The following CHST9 variants were observed in gnomAD, a reference collection of about 807,000 sequenced individuals.
CHST9 encodes GalNAc-4-sulfotransferase 2.
A neutral mutation model predicts 44.4 loss-of-function variants in CHST9; 41 were observed. The observed-to-expected ratio is 0.92, with a 90% CI of 0.72 to 1.20. The LOEUF (loss-of-function observed/expected upper bound fraction) is 1.20. CHST9 is among the 50% of genes most tolerant of loss of function. The pLI, the probability that CHST9 is intolerant of heterozygous loss-of-function variation, is 0.00. For missense variants in CHST9, 504 were observed against 516.5 expected (o/e 0.98, Z 0.23); for synonymous variants, 171 against 178.4 (o/e 0.96, Z 0.33).
At chr18:27,069,836 T>C (rs2057820403) in intron 2 of CHST9, among the ~76,000 whole-genome samples, 1 of 152,180 alleles carries the variant, frequency 6.6e-6, no homozygotes, top group Non-Finnish European at 1.5e-5. Context: ...AGCAAAAGGA[T>C]ACTGTTCTAA....
chr18:27,023,963 C>CA (rs1223803491), intron 4 of CHST9, among the ~76,000 whole-genome samples, 153 bp downstream of exon 4: 3 of 152,086 alleles, frequency 2.0e-5, no homozygotes, highest in Non-Finnish European at 2.9e-5. Context: ...TTACGCACTC[C>CA]AAAAATGCCA....
chr18:27,060,738 G>T (rs1046253124), intron 2 of CHST9, among the ~76,000 whole-genome samples: 1 of 151,996 alleles, frequency 6.6e-6, no homozygotes, highest in Non-Finnish European at 1.5e-5. Flanking sequence ...ACTAATCATC[G>T]TGGTCCCCAT....
chr18:27,012,192 G>T (rs563395071), intron 4 of CHST9, among the ~76,000 whole-genome samples: 5 of 152,134 alleles, frequency 3.3e-5, no homozygotes, highest in Non-Finnish European at 5.9e-5. Flanking sequence ...CAGGGTTTAG[G>T]GGGGAGCCAA....
rs572040369 is a variant in CHST9 at position 26,925,153 on chromosome 18, GA to G, written c.241-7804del. ...AAGGACAAAAAAAAATTTGGCACAG[GA>G]AAACATGAAAGAGGAATCCTGGCTC... On this transcript the variant is annotated intron_variant, in intron 5 of 5. Transcript: ENST00000618847. Among the ~76,000 whole-genome samples, 41 of 152,260 alleles carry G rather than the reference GA, an allele frequency of 2.7e-4. No homozygotes were observed. The East Asian group carries it at 3.5e-3, about 13-fold the overall frequency.
chr18:26,975,327 C>T (rs1171029185), intron 4 of CHST9, among the ~76,000 whole-genome samples: 1 of 151,984 alleles, frequency 6.6e-6, no homozygotes, highest in African/African-American at 2.4e-5. Context: ...TTGTTACATG[C>T]AGAAATTGTG....
rs551975385 is a variant in CHST9 at position 26,916,940 on chromosome 18, A to G, written c.651T>C (p.Cys217=). The G allele has an allele frequency of 6.2e-7, 1 of 1,613,820 alleles. No individual in the cohort carries two copies. The highest frequency in any genetic ancestry group is 8.5e-7 in the Non-Finnish European group (1 of 1,179,786). ...YVEDKHKILY[C]EVPKAGCSNW... ...TGGAACAGCCAGCCTTAGGTACCTC[A>G]CAATATAAGATTTTGTGTTTATCTT... The change falls in exon 6 of 6, where the codon TGT becomes TGC. Residue 217 remains cysteine (C), a synonymous_variant. Coordinates refer to ENST00000618847, the MANE Select transcript of CHST9 (RefSeq NM_031422.6).
At chr18:26,958,614 G>A (rs919282906) in intron 4 of CHST9, among the ~76,000 whole-genome samples, 7 of 152,052 alleles carry the variant, frequency 4.6e-5, no homozygotes, top group African/African-American at 1.7e-4. Context: ...AATCTATAAG[G>A]AACTTAAACA....
intron 3 of CHST9, among the ~76,000 whole-genome samples, chr18:27,035,094 T>C (rs2057377558): frequency 6.6e-6 from 1 of 152,222 alleles, no homozygotes; most frequent in African/African-American, 2.4e-5. Flanking sequence ...TTTTCTACAA[T>C]GGATGTACTA....
At chr18:26,973,029 C>T (rs1374815708) in intron 4 of CHST9, among the ~76,000 whole-genome samples, 1 of 152,128 alleles carries the variant, frequency 6.6e-6, no homozygotes, top group Non-Finnish European at 1.5e-5. Context: ...TCCAGCCTCG[C>T]GGACATTCCC....
intron 4 of CHST9, among the ~76,000 whole-genome samples, chr18:26,987,279 C>T (rs568339331): frequency 1.1e-4 from 16 of 152,280 alleles, no homozygotes; most frequent in Admixed American, 7.2e-4. Flanking sequence ...TTGCACGTGT[C>T]TGCTTCCTCT....
intron 4 of CHST9, among the ~76,000 whole-genome samples, chr18:27,008,933 T>C (rs1467126400): frequency 1.3e-5 from 2 of 151,970 alleles, no homozygotes; most frequent in African/African-American, 4.8e-5. Flanking sequence ...TTCCTTTCCT[T>C]TGTCAAAAAT....
rs1379026021 is a variant in CHST9 at position 27,185,192 on chromosome 18, G to C, written c.-153C>G. The C allele has an allele frequency of 6.6e-6, 1 of 152,150 alleles. No individual in the cohort carries two copies. Among genetic ancestry groups the C allele is most frequent in the African/African-American group, 2.4e-5 (1 of 41,442 alleles). 9.4% of individuals were successfully genotyped at this position (152,150 alleles called of 1,614,324 possible). A position where few individuals can be genotyped will look rare whatever the true frequency, so the allele number is the denominator to read the frequency against. On this transcript the variant is annotated 5_prime_UTR_variant, in exon 1 of 6. Transcript: ENST00000618847. ...CTGCTGTTCCAGGAGCGCAGCTTCG[G>C]AGGAAACTTCCCCGCGCTCCGGGGC... is the stretch of plus-strand genomic sequence containing the variant.
At chr18:27,068,609 C>G (rs1469336439) in intron 2 of CHST9, among the ~76,000 whole-genome samples, 2 of 152,064 alleles carry the variant, frequency 1.3e-5, no homozygotes, top group Non-Finnish European at 2.9e-5. Flanking sequence ...CAATTTTGGA[C>G]CATTTATTAT....
intron 2 of CHST9, among the ~76,000 whole-genome samples, chr18:27,120,498 A>G (rs896114608): frequency 6.6e-6 from 1 of 152,156 alleles, no homozygotes; most frequent in African/African-American, 2.4e-5. Context: ...AACTTTGGCC[A>G]TCTTAGAAAC....
intron 4 of CHST9, among the ~76,000 whole-genome samples, chr18:26,981,849 C>A (rs1322660884): frequency 6.6e-6 from 1 of 152,106 alleles, no homozygotes; most frequent in Non-Finnish European, 1.5e-5. Flanking sequence ...TAATTTGAAT[C>A]CAGTCCATTT....
intron 4 of CHST9, among the ~76,000 whole-genome samples, chr18:26,985,012 C>T (rs2145197686): frequency 6.6e-6 from 1 of 152,230 alleles, no homozygotes; most frequent in Middle Eastern, 3.4e-3. Context: ...GTACACCTAC[C>T]AGAAAGAGAT....
chr18:26,924,373 A>G (rs1054929847), intron 5 of CHST9, among the ~76,000 whole-genome samples: 1 of 152,060 alleles, frequency 6.6e-6, no homozygotes, highest in Non-Finnish European at 1.5e-5. Context: ...GTGGGCATTC[A>G]CTATCTTCGA....
intron 2 of CHST9, among the ~76,000 whole-genome samples, chr18:27,120,083 G>A (rs2143806177): frequency 6.6e-6 from 1 of 152,284 alleles, no homozygotes; most frequent in South Asian, 2.1e-4. Flanking sequence ...ACAGCATTTA[G>A]AATGATCCCA....
At chr18:26,966,066 T>C (rs371550991) in intron 4 of CHST9, among the ~76,000 whole-genome samples, 2 of 152,258 alleles carry the variant, frequency 1.3e-5, no homozygotes, top group East Asian at 1.9e-4. Context: ...TGCTTTTAAT[T>C]TTCCCAACTA....
Sources: allele counts gnomAD v4.1 joint callset (sites outside exome capture counted in the v4.1 genomes callset), GRCh38; gene constraint gnomAD v4.1.1; transcripts MANE v1.5; gene names NCBI Gene and HGNC (gene_info 2026-07-23, HGNC 2026-07-21).